FTO: variants seen among roughly 807,000 people sequenced by gnomAD.
FTO encodes alpha-ketoglutarate-dependent dioxygenase FTO.
A neutral mutation model predicts 63.9 loss-of-function variants in FTO; 47 were observed. That is an observed-to-expected ratio of 0.74 (90% confidence interval 0.58 to 0.94). FTO has a LOEUF of 0.94. Among genes scored for constraint, FTO ranks in the 40% least tolerant of loss-of-function variants. FTO has a pLI of 0.00. For missense variants in FTO, 562 were observed against 618.1 expected (o/e 0.91, Z 0.96); for synonymous variants, 207 against 224.4 (o/e 0.92, Z 0.69).
At chr16:54,077,566 C>A (rs1477211615) in intron 8 of FTO, among the ~76,000 whole-genome samples, 1 of 152,128 alleles carries the variant, frequency 6.6e-6, no homozygotes, top group Non-Finnish European at 1.5e-5. Flanking sequence ...CATATGATTG[C>A]CACCTTAAGA....
chr16:53,811,882 G>A (rs561142181), intron 2 of FTO, among the ~76,000 whole-genome samples: 22 of 152,164 alleles, frequency 1.4e-4, no homozygotes, highest in Non-Finnish European at 2.6e-4. Context: ...GTGTAATCTG[G>A]ATTCACTGCA....
At chr16:53,860,057 T>C (rs753802295) in intron 4 of FTO, among the ~76,000 whole-genome samples, 1 of 152,170 alleles carries the variant, frequency 6.6e-6, no homozygotes, top group Non-Finnish European at 1.5e-5. Flanking sequence ...TAACAGATGA[T>C]TGAATAAAGA....
intron 7 of FTO, among the ~76,000 whole-genome samples, chr16:53,913,241 C>A (rs1264600360): frequency 2.0e-5 from 3 of 152,142 alleles, no homozygotes; most frequent in Non-Finnish European, 4.4e-5. Context: ...CGGTGATTAC[C>A]CCACAGTTTG....
chr16:54,088,690 G>T (rs928775573), intron 8 of FTO, among the ~76,000 whole-genome samples: 1 of 152,186 alleles, frequency 6.6e-6, no homozygotes, highest in African/African-American at 2.4e-5. Flanking sequence ...TGTCAGAAAT[G>T]CCCAAGGAAA....
chr16:53,978,034 A>T (rs901928237), intron 8 of FTO, among the ~76,000 whole-genome samples: 100 of 151,988 alleles, frequency 6.6e-4, no homozygotes, highest in African/African-American at 2.2e-3. Context: ...TTTTTAAAAA[A>T]ATTTTTTTTG....
chr16:54,000,955 T>A (rs2084051012), intron 8 of FTO, among the ~76,000 whole-genome samples: 1 of 152,176 alleles, frequency 6.6e-6, no homozygotes, highest in Non-Finnish European at 1.5e-5. Flanking sequence ...GGTATGTTAC[T>A]TTATTTCTCT....
chr16:53,851,349 C>T (rs2079789517), intron 4 of FTO, among the ~76,000 whole-genome samples: 2 of 149,676 alleles, frequency 1.3e-5, no homozygotes, highest in African/African-American at 4.9e-5. Context: ...ATCCCAGCTA[C>T]TCGGGAGGCT....
intron 8 of FTO, among the ~76,000 whole-genome samples, chr16:54,091,249 G>A (rs118139447): frequency 1.2e-4 from 19 of 152,234 alleles, no homozygotes; most frequent in African/African-American, 3.4e-4. Context: ...AAAATTAATC[G>A]ATCAAGAAAT....
rs183111365 is a variant in FTO at position 53,967,474 on chromosome 16, T to C, written c.1364+33365T>C. On this transcript the variant is annotated intron_variant, in intron 8 of 8. Coordinates refer to ENST00000471389, the MANE Select transcript of FTO (RefSeq NM_001080432.3). ...AGACAGAGAGCTAGGGACAGAGATA[T>C]TTCCTTTCATTTATAATCCCTTTAT... 9.8e-5 allele frequency among the ~76,000 whole-genome samples: 15 copies of C among 152,286 alleles called. No homozygotes were observed. In the East Asian group the frequency reaches 2.9e-3, roughly 29 times the overall value.
At chr16:54,028,589 C>T (rs1320999156) in intron 8 of FTO, among the ~76,000 whole-genome samples, 1 of 152,184 alleles carries the variant, frequency 6.6e-6, no homozygotes, top group Non-Finnish European at 1.5e-5. Context: ...TTCCATGTCA[C>T]TAAAATCTGT....
chr16:53,867,951 T>C (rs1446815665), intron 4 of FTO, among the ~76,000 whole-genome samples: 1 of 145,936 alleles, frequency 6.9e-6, no homozygotes, highest in Non-Finnish European at 1.5e-5. Flanking sequence ...CCTTTTTCTC[T>C]GTGATAATTT....
intron 8 of FTO, among the ~76,000 whole-genome samples, chr16:53,972,498 A>G (rs2083347359): frequency 6.6e-6 from 1 of 152,224 alleles, no homozygotes; most frequent in African/African-American, 2.4e-5. Context: ...TGCCTTGAGT[A>G]TTGAAATCCA....
chr16:53,892,192 A>G (rs1405639264), intron 7 of FTO, among the ~76,000 whole-genome samples: 4 of 151,950 alleles, frequency 2.6e-5, no homozygotes, highest in Non-Finnish European at 5.9e-5. Context: ...CTCGGGTGGA[A>G]TTGGCAGTGG....
chr16:53,854,023 A>G (rs1449691857), intron 4 of FTO, among the ~76,000 whole-genome samples: 1 of 152,050 alleles, frequency 6.6e-6, no homozygotes, highest in African/African-American at 2.4e-5. Context: ...TCTGGCTAGG[A>G]TAAGGTGATA....
At chr16:53,964,620 C>T (rs2083157170) in intron 8 of FTO, among the ~76,000 whole-genome samples, 1 of 152,170 alleles carries the variant, frequency 6.6e-6, no homozygotes, top group Non-Finnish European at 1.5e-5. Context: ...CCTTCCCAGA[C>T]TTCAAATTGC....
chr16:53,930,218 C>CTTTT (rs1305218044), intron 7 of FTO, among the ~76,000 whole-genome samples: 1 of 110,810 alleles, frequency 9.0e-6, no homozygotes, highest in African/African-American at 3.8e-5. Flanking sequence ...TTATGATTAT[C>CTTTT]TTCTTTTTTT....
At chr16:53,704,097 G>A (rs2151439512), upstream of FTO, 3 of 1,311,884 alleles carry the variant, frequency 2.3e-6, no homozygotes, top group Non-Finnish European at 3.2e-6. Context: ...GACGGGAGCA[G>A]GACGCTGAGA....
intron 8 of FTO, among the ~76,000 whole-genome samples, chr16:54,076,670 T>C (rs1265309305): frequency 6.6e-6 from 1 of 152,222 alleles, no homozygotes; most frequent in African/African-American, 2.4e-5. Context: ...GATTGGATGC[T>C]GATATTTTGT....
chr16:54,012,138 G>T (rs2084347577), intron 8 of FTO, among the ~76,000 whole-genome samples: 1 of 152,198 alleles, frequency 6.6e-6, no homozygotes, highest in Non-Finnish European at 1.5e-5. Flanking sequence ...CAGAGAGAAA[G>T]ATCCTGCACC....
Sources: gnomAD v4.1 joint callset for allele counts (sites outside exome capture counted in the v4.1 genomes callset) on GRCh38, gnomAD v4.1.1 for gene constraint, MANE v1.5 for transcripts, NCBI Gene and HGNC (gene_info 2026-07-23, HGNC 2026-07-21) for gene names.